Variants in SLC44A5 observed in about 807,000 individuals in gnomAD.
SLC44A5 encodes the protein solute carrier family 44 member 5, also known as choline transporter-like protein 5.
A neutral mutation model predicts 101.8 loss-of-function variants in SLC44A5; 57 were observed. That is an observed-to-expected ratio of 0.56 (90% CI 0.45 to 0.70). SLC44A5 has a LOEUF of 0.70. SLC44A5 is among the 30% of genes least tolerant of loss of function. SLC44A5 has a pLI of 0.00. For missense variants in SLC44A5, 737 were observed against 853.1 expected (o/e 0.86, Z 1.70); for synonymous variants, 281 against 290.9 (o/e 0.97, Z 0.35).
At position 75,518,893 on chromosome 1, in the gene SLC44A5, G is replaced by A. The variant is rs1041206583; in HGVS notation, c.13+22542C>T. ...TGAATGCTAACGAGATTTCTTGTTG[G>A]CATGACAAAAATGTCCTAAAATTAA... On this transcript the variant is annotated intron_variant, in intron 2 of 23. Transcript: ENST00000370859. 3.9e-5 allele frequency among the ~76,000 whole-genome samples: 6 copies of A among 152,278 alleles called. No homozygotes were observed. In the East Asian group the frequency reaches 9.7e-4, roughly 24 times the overall value.
At chr1:75,485,351 T>C (rs1668097494) in intron 2 of SLC44A5, among the ~76,000 whole-genome samples, 1 of 152,224 alleles carries the variant, frequency 6.6e-6, no homozygotes, top group South Asian at 2.1e-4. Context: ...TCTCTTTGAA[T>C]TCAAAGTTCC....
chr1:75,219,139 G>C (rs1321133349), intron 16 of SLC44A5, 118 bp downstream of exon 16: 1 of 735,834 alleles, frequency 1.4e-6, no homozygotes, highest in African/African-American at 1.7e-5. Flanking sequence ...TCAGCACATA[G>C]TTGTCCCCAT....
At chr1:75,405,817 A>AAACC (rs1232073103) in intron 2 of SLC44A5, among the ~76,000 whole-genome samples, 5 of 151,570 alleles carry the variant, frequency 3.3e-5, no homozygotes, top group African/African-American at 1.2e-4. Context: ...AAGAGCAAAC[A>AAACC]AATTCAAAAG....
the SLC44A5 span, among the ~76,000 whole-genome samples, chr1:75,662,881 G>A: frequency 6.6e-6 from 1 of 151,880 alleles, no homozygotes; most frequent in African/African-American, 2.4e-5. Flanking sequence ...TAGTCATTTG[G>A]CCTTTCAATG....
At chr1:75,431,857 G>A (rs771640939) in intron 2 of SLC44A5, among the ~76,000 whole-genome samples, 8 of 152,214 alleles carry the variant, frequency 5.3e-5, no homozygotes, top group South Asian at 2.1e-4. Context: ...TATAATTTGC[G>A]TATTTCCTAG....
chr1:75,687,091 T>C, the SLC44A5 span, among the ~76,000 whole-genome samples: 1 of 151,910 alleles, frequency 6.6e-6, no homozygotes, highest in African/African-American at 2.4e-5. Context: ...TAAGCTAGGG[T>C]CTGAAAAACA....
At chr1:75,246,057 A>G (rs1004486273) in intron 7 of SLC44A5, among the ~76,000 whole-genome samples, 9 of 152,156 alleles carry the variant, frequency 5.9e-5, no homozygotes, top group Non-Finnish European at 8.8e-5. Flanking sequence ...TTAGCAGTCA[A>G]TAATGACTCA....
At chr1:75,688,212 C>G in the SLC44A5 span, among the ~76,000 whole-genome samples, 1 of 152,158 alleles carries the variant, frequency 6.6e-6, no homozygotes, top group Non-Finnish European at 1.5e-5. Context: ...GCTTGGCTAG[C>G]CTCCTAGGAG....
intron 2 of SLC44A5, among the ~76,000 whole-genome samples, chr1:75,522,524 A>C: frequency 6.6e-6 from 1 of 150,528 alleles, no homozygotes; most frequent in African/African-American, 2.4e-5. Flanking sequence ...TCTTTTTCCC[A>C]CCCCCTCATC....
At chr1:75,276,379 T>C (rs1279604769) in intron 5 of SLC44A5, among the ~76,000 whole-genome samples, 1 of 152,208 alleles carries the variant, frequency 6.6e-6, no homozygotes, top group Non-Finnish European at 1.5e-5. Flanking sequence ...TTTGGCTAAA[T>C]CTAAGAAAGA....
intron 2 of SLC44A5, among the ~76,000 whole-genome samples, chr1:75,432,898 C>T (rs1211109885): frequency 1.3e-5 from 2 of 152,090 alleles, no homozygotes; most frequent in Admixed American, 1.3e-4. Context: ...ATATACAGCC[C>T]CAAATCAACC....
intron 3 of SLC44A5, chr1:75,357,308 C>T (rs1179918136): frequency 2.3e-6 from 1 of 438,982 alleles, no homozygotes; most frequent in East Asian, 7.1e-5. Context: ...TGATACTATT[C>T]ATTGATAGAG....
At chr1:75,473,400 C>T (rs528466947) in intron 2 of SLC44A5, among the ~76,000 whole-genome samples, 3 of 152,290 alleles carry the variant, frequency 2.0e-5, no homozygotes, top group African/African-American at 7.2e-5. Flanking sequence ...GAAAATATGA[C>T]TCAACTTCAC....
chr1:75,596,093 T>C (rs1489938062), intron 1 of SLC44A5, among the ~76,000 whole-genome samples: 1 of 152,122 alleles, frequency 6.6e-6, no homozygotes, highest in East Asian at 1.9e-4. Flanking sequence ...AATATATTAA[T>C]AGCAAATTCA....
intron 2 of SLC44A5, chr1:75,522,113 A>C (rs1670160468): frequency 6.6e-6 from 1 of 152,210 alleles, no homozygotes; most frequent in South Asian, 2.1e-4. Flanking sequence ...CTGCCTGAGG[A>C]GTCTACAGCA....
At chr1:75,358,984 C>T (rs1054713480) in intron 3 of SLC44A5, among the ~76,000 whole-genome samples, 1 of 151,820 alleles carries the variant, frequency 6.6e-6, no homozygotes, top group African/African-American at 2.4e-5. Context: ...TTCCCATTCC[C>T]TCCCTTCCCT....
chr1:75,719,823 A>G, the SLC44A5 span, among the ~76,000 whole-genome samples: 1 of 152,182 alleles, frequency 6.6e-6, no homozygotes, highest in Non-Finnish European at 1.5e-5. Context: ...CCTTGTTTGA[A>G]ATCCCAAGGA....
At chr1:75,537,034 A>AAAAAAAAAAAAAATATATATATG (rs1553199990) in intron 2 of SLC44A5, among the ~76,000 whole-genome samples, 1 of 18,648 alleles carries the variant, frequency 5.4e-5, no homozygotes. Context: ...AAAAAAAAAA[A>AAAAAAAAAAAAAATATATATATG]TATATATCTA....
chr1:75,713,176 T>C, the SLC44A5 span, among the ~76,000 whole-genome samples: 1 of 152,240 alleles, frequency 6.6e-6, no homozygotes, highest in Admixed American at 6.5e-5. Context: ...CCTCACATCC[T>C]TACTTCTCAA....
Sources: allele counts gnomAD v4.1 joint callset (sites outside exome capture counted in the v4.1 genomes callset), GRCh38; gene constraint gnomAD v4.1.1; transcripts MANE v1.5; gene names NCBI Gene and HGNC (gene_info 2026-07-23, HGNC 2026-07-21).